CSNK2A2: variants seen among roughly 807,000 people sequenced by gnomAD.
CSNK2A2 encodes the protein casein kinase II subunit alpha'.
A neutral mutation model predicts 54.0 loss-of-function variants in CSNK2A2; 8 were observed. That is an observed-to-expected ratio of 0.15 (90% CI 0.09 to 0.27). The LOEUF (loss-of-function observed/expected upper bound fraction) is 0.27, where lower values mean the gene tolerates loss of function less well. Among genes scored for constraint, CSNK2A2 ranks in the 10% least tolerant of loss-of-function variants. The pLI, the probability that CSNK2A2 is intolerant of heterozygous loss-of-function variation, is 1.00. For missense variants in CSNK2A2, 242 were observed against 439.4 expected (o/e 0.55, Z 4.02); for synonymous variants, 141 against 153.9 (o/e 0.92, Z 0.62).
intron 10 of CSNK2A2, 74 bp from the exon 11 acceptor site, chr16:58,164,221 T>A (rs1961493905): frequency 7.2e-7 from 1 of 1,398,338 alleles, no homozygotes; most frequent in African/African-American, 1.4e-5. Flanking sequence ...AAACCCACCC[T>A]TTCAACGGAA....
intron 11 of CSNK2A2, chr16:58,162,316 A>C (rs1961407309): frequency 6.6e-6 from 1 of 152,232 alleles, no homozygotes; most frequent in African/African-American, 2.4e-5. Context: ...AGGTAGAACA[A>C]ATGTTTACAT....
intron 2 of CSNK2A2, among the ~76,000 whole-genome samples, chr16:58,191,515 C>T (rs1962320923): frequency 2.0e-5 from 3 of 152,098 alleles, no homozygotes; most frequent in South Asian, 4.1e-4. Flanking sequence ...GCACCCGCCA[C>T]CATGGCCAAC....
chr16:58,196,667 G>A (rs1000136449), intron 2 of CSNK2A2, 66 bp downstream of exon 2: 8 of 935,324 alleles, frequency 8.6e-6, no homozygotes, highest in African/African-American at 6.5e-5. Context: ...GAATGTGACT[G>A]GGGTACCTTA....
At chr16:58,191,929 G>T (rs1962330358) in intron 2 of CSNK2A2, among the ~76,000 whole-genome samples, 1 of 152,192 alleles carries the variant, frequency 6.6e-6, no homozygotes, top group Non-Finnish European at 1.5e-5. Flanking sequence ...GAGAACTTAA[G>T]TAACTGTTTG....
intron 11 of CSNK2A2, 79 bp downstream of exon 11, chr16:58,163,975 T>C (rs1256714267): frequency 5.3e-6 from 6 of 1,136,372 alleles, no homozygotes; most frequent in Non-Finnish European, 6.5e-6. Context: ...TAAGAATTTC[T>C]TTTTATCACA....
intron 4 of CSNK2A2, among the ~76,000 whole-genome samples, chr16:58,182,571 A>C (rs1196364586): frequency 2.0e-5 from 3 of 151,490 alleles, no homozygotes; most frequent in African/African-American, 7.3e-5. Flanking sequence ...AAAAAAAAAA[A>C]AACAAAACCA....
rs771352265 is a variant in CSNK2A2, at chr16:58,197,201, T to C, written c.105-357A>G. ...TCACATCTTCAAGGTAGACAATGCC[T>C]GTTTTAAAAATCTGGACGTCTTTAA... is the stretch of plus-strand genomic sequence containing the variant. On this transcript the variant is annotated intron_variant, in intron 1 of 11. Coordinates refer to ENST00000262506, the MANE Select transcript of CSNK2A2 (RefSeq NM_001896.4). The surrounding 1 kb of genome is among the most constrained non-coding windows in gnomAD (Gnocchi z 4.0). 1.1e-4 allele frequency: 32 copies of C among 290,052 alleles called. No homozygotes were observed. Among genetic ancestry groups the C allele is most frequent in the Non-Finnish European group, 1.9e-4 (29 of 151,738 alleles). The allele number at this position is 290,052 out of a possible 1,614,324, so 18.0% of individuals were successfully genotyped here.
At chr16:58,194,625 A>C (rs1962387835) in intron 2 of CSNK2A2, among the ~76,000 whole-genome samples, 1 of 152,252 alleles carries the variant, frequency 6.6e-6, no homozygotes, top group African/African-American at 2.4e-5. Context: ...CTCAACGTTC[A>C]GATCCTACAA....
At chr16:58,177,862 T>G (rs941472431) in intron 4 of CSNK2A2, among the ~76,000 whole-genome samples, 5 of 152,222 alleles carry the variant, frequency 3.3e-5, no homozygotes, top group African/African-American at 1.2e-4. Flanking sequence ...ACATGTAACC[T>G]CTAAGTTCCA....
At chr16:58,196,527 T>A (rs1454164588) in intron 2 of CSNK2A2, among the ~76,000 whole-genome samples, 1 of 152,154 alleles carries the variant, frequency 6.6e-6, no homozygotes, top group Admixed American at 6.5e-5. Flanking sequence ...GAGGCTGAGA[T>A]GGATCACTGG....
intron 9 of CSNK2A2, 74 bp downstream of exon 9, chr16:58,166,510 A>T: frequency 1.0e-6 from 1 of 965,098 alleles, no homozygotes; most frequent in East Asian, 2.4e-5. Context: ...ATGGGAAAAG[A>T]AAGTGATTTT....
intron 2 of CSNK2A2, among the ~76,000 whole-genome samples, chr16:58,193,144 T>C (rs1279408441): frequency 6.6e-6 from 1 of 152,244 alleles, no homozygotes; most frequent in Non-Finnish European, 1.5e-5. Flanking sequence ...ACTAATGTGT[T>C]GTTTCAGGAA....
rs1425852539 is a variant in CSNK2A2, at chr16:58,197,867, G to C, written c.-131C>G. The C allele has an allele frequency of 3.4e-5, 5 of 145,328 alleles. No homozygotes were observed. Among genetic ancestry groups the C allele is most frequent in the Non-Finnish European group, 7.4e-5 (5 of 67,924 alleles). 9.0% of individuals were successfully genotyped at this position (145,328 alleles called of 1,614,324 possible). A position where few individuals can be genotyped will look rare whatever the true frequency, so the allele number is the denominator to read the frequency against. ...GAGGAGGAGGAGGAGGAGCGCGGCG[G>C]CGGGCGGCCGCGCCAGGCCGGGCCC... On this transcript the variant is annotated 5_prime_UTR_variant, in exon 1 of 12. Coordinates refer to ENST00000262506, the MANE Select transcript of CSNK2A2 (RefSeq NM_001896.4). This position sits in a 1 kb window ranked among gnomAD's most constrained non-coding sequence, Gnocchi z 4.0.
chr16:58,193,763 T>C (rs1232557163), intron 2 of CSNK2A2, among the ~76,000 whole-genome samples: 1 of 152,250 alleles, frequency 6.6e-6, no homozygotes, highest in African/African-American at 2.4e-5. Flanking sequence ...TTGGCACTAA[T>C]GTAGCTTTCT....
At chr16:58,182,642 A>C (rs1356353934) in intron 4 of CSNK2A2, among the ~76,000 whole-genome samples, 1 of 152,126 alleles carries the variant, frequency 6.6e-6, no homozygotes, top group Non-Finnish European at 1.5e-5. Context: ...TCATTAACGA[A>C]GCCCAGGCAT....
At chr16:58,196,631 A>C in intron 2 of CSNK2A2, 102 bp downstream of exon 2, 1 of 784,134 alleles carries the variant, frequency 1.3e-6, no homozygotes, top group South Asian at 1.4e-5. Context: ...AATTAAATTA[A>C]ATTCAAGCTT....
Position 58,167,616 on chromosome 16 carries a change from A to G in CSNK2A2, c.624+69T>C, listed in dbSNP as rs1961605410. The G allele has an allele frequency of 2.5e-6, 3 of 1,206,700 alleles. No individual in the cohort carries two copies. The Middle Eastern group carries it at 5.8e-4, about 233-fold the overall frequency. 74.7% of individuals were successfully genotyped at this position (1,206,700 alleles called of 1,614,324 possible). On this transcript the variant is annotated intron_variant, in intron 7 of 11. Coordinates refer to ENST00000262506, the MANE Select transcript of CSNK2A2 (RefSeq NM_001896.4). ...TTTTGAGTGTATTCAAACTGACTAG[A>G]TCAACAGCAAACCAGAAAAGCCCTA... is the stretch of plus-strand genomic sequence containing the variant.
At chr16:58,183,588 T>C (rs1962119991) in intron 4 of CSNK2A2, among the ~76,000 whole-genome samples, 1 of 152,126 alleles carries the variant, frequency 6.6e-6, no homozygotes, top group Admixed American at 6.6e-5. Context: ...TGTTTGTATA[T>C]TGGTTTTTAA....
intron 4 of CSNK2A2, among the ~76,000 whole-genome samples, chr16:58,182,059 T>C (rs1460810712): frequency 6.6e-6 from 1 of 152,060 alleles, no homozygotes; most frequent in African/African-American, 2.4e-5. Flanking sequence ...TGACTTCAGA[T>C]ATGCAAGCTT....
Sources: gnomAD v4.1 joint callset for allele counts (sites outside exome capture counted in the v4.1 genomes callset) on GRCh38, gnomAD v4.1.1 for gene constraint, Gnocchi (gnomAD v3.1) non-coding constraint, MANE v1.5 for transcripts, NCBI Gene and HGNC (gene_info 2026-07-23, HGNC 2026-07-21) for gene names.